CPT1C: variants seen among roughly 807,000 people sequenced by gnomAD.
The protein encoded by CPT1C is carnitine palmitoyltransferase 1C.
A neutral mutation model predicts 97.3 loss-of-function variants in CPT1C; 61 were observed. That is an observed-to-expected ratio of 0.63 (90% confidence interval 0.51 to 0.78). CPT1C has a LOEUF of 0.78. Among genes scored for constraint, CPT1C ranks in the 30% least tolerant of loss-of-function variants. The pLI, the probability that CPT1C is intolerant of heterozygous loss-of-function variation, is 0.00. For synonymous variants in CPT1C, 469 were observed against 447.2 expected (o/e 1.05, Z -0.61); for missense variants, 975 against 1,065.5 (o/e 0.92, Z 1.18).
rs2083061311 is a variant in CPT1C at position 49,701,573 on chromosome 19, G to C, written c.632G>C (p.Arg211Thr). Residue 211 changes from arginine (R) to threonine (T), a missense_variant, in exon 7 of 20, where the codon AGG (arginine) becomes ACG (threonine). Around this residue, in one of 3 missense-constraint regions of CPT1C, gnomAD observed 596 missense variants for 603.1 expected, o/e 0.99. Coordinates refer to ENST00000598293, the MANE Select transcript of CPT1C (RefSeq NM_001199753.2). ...GCGGTCCTGGCGCAGGAATTCCTGA[G>C]GCTGCAGGCGTCGCTGCTGCAGTGG... ...WTAVLAQEFL[R>T]LQASLLQWYL... 1.2e-6 allele frequency: 2 copies of C among 1,612,580 alleles called. No homozygotes were observed. Among genetic ancestry groups the C allele is most frequent in the South Asian group, 2.2e-5 (2 of 91,008 alleles).
At chr19:49,697,009 C>T (rs1454750860) in intron 3 of CPT1C, among the ~76,000 whole-genome samples, 1 of 152,184 alleles carries the variant, frequency 6.6e-6, no homozygotes, top group Non-Finnish European at 1.5e-5. Flanking sequence ...CACATCCGGA[C>T]TGTTCTGCCT....
chr19:49,706,102 C>T lies in CPT1C; in HGVS notation c.1158C>T (p.Pro386=). The change falls in exon 11 of 20, where the codon CCC becomes CCT. Residue 386 remains proline, a splice_region_variant and synonymous_variant. Transcript: ENST00000598293. The surrounding 1 kb of genome is among the most constrained non-coding windows in gnomAD (Gnocchi z 4.8). ...ATCTGGCAGCTCTGACAGCTGCTCCCAGGTAAGGGTCAGGGGTCAGGGGTC... is the reference window on the plus strand; with the variant it reads ...ATCTGGCAGCTCTGACAGCTGCTCCTAGGTAAGGGTCAGGGGTCAGGGGTC... The part of the protein sequence containing the change: ...EEHLAALTAA[P]RGTWAQVRTS... The T allele has an allele frequency of 1.2e-6, 2 of 1,612,594 alleles. No individual in the cohort carries two copies. The highest frequency in any genetic ancestry group is 1.7e-6 in the Non-Finnish European group (2 of 1,179,134).
chr19:49,699,668 AC>A (rs2082884666), intron 4 of CPT1C, among the ~76,000 whole-genome samples: 1 of 152,020 alleles, frequency 6.6e-6, no homozygotes, highest in African/African-American at 2.4e-5. Flanking sequence ...TAAACCGCTG[AC>A]TATGGCCAGG....
rs760508652 is a variant in CPT1C at position 49,700,738 on chromosome 19, G to A, written c.336G>A (p.Ser112=). 1.9e-6 allele frequency: 3 copies of A among 1,612,554 alleles called. No individual in the cohort carries two copies. The highest frequency in any genetic ancestry group is 1.7e-5 in the Admixed American group (1 of 60,000). ...RGVLAAALFA[S]CLWGALIFTL... ...TCCTGGCAGCCGCGCTGTTTGCCTC[G>A]TGTTTGTGGGGAGCCCTGATCTTCA... Residue 112 remains serine (S), a synonymous_variant, in exon 5 of 20, where the codon TCG becomes TCA. Transcript: ENST00000598293.
chr19:49,700,327 C>T (rs965850743), intron 4 of CPT1C, among the ~76,000 whole-genome samples: 8 of 151,932 alleles, frequency 5.3e-5, no homozygotes, highest in Admixed American at 3.3e-4. Context: ...GTCTTAAAGG[C>T]GCCCAGGAAT....
intron 7 of CPT1C, among the ~76,000 whole-genome samples, chr19:49,702,772 G>A (rs1195583488): frequency 1.3e-5 from 2 of 152,064 alleles, no homozygotes; most frequent in Non-Finnish European, 2.9e-5. Context: ...CAGGGAAGGG[G>A]CAGGGTCAGC....
intron 17 of CPT1C, 184 bp from the exon 18 acceptor site, chr19:49,712,552 G>C (rs1416709076): frequency 5.1e-6 from 3 of 584,790 alleles, no homozygotes; most frequent in Non-Finnish European, 9.1e-6. Flanking sequence ...GGACGTGGGT[G>C]TGGGTGGTGA....
rs780011470 is a variant in CPT1C, at chr19:49,708,705, G to C, written c.1450-18G>C. ...CCACAGGGAGGAAGGGACTCTAACA[G>C]CCTCTGTTTGCCCACAGTTCACTCT... is the stretch of plus-strand genomic sequence containing the variant. On this transcript the variant is annotated intron_variant, in intron 13 of 19. Transcript: ENST00000598293. The C allele has an allele frequency of 6.3e-7, 1 of 1,585,778 alleles. No homozygotes were observed. The highest frequency in any genetic ancestry group is 8.7e-7 in the Non-Finnish European group (1 of 1,154,200).
rs368936837 is a variant in CPT1C at position 49,712,692 on chromosome 19, C to A, written c.2020-44C>A. The A allele has an allele frequency of 5.7e-6, 8 of 1,404,446 alleles. No individual in the cohort carries two copies. The South Asian group carries it at 5.8e-5, about 10-fold the overall frequency. The allele number at this position is 1,404,446 out of a possible 1,614,324, so 87.0% of individuals were successfully genotyped here. A position where few individuals can be genotyped will look rare whatever the true frequency, so the allele number is the denominator to read the frequency against. ...AGTGAAGTGGAGCCAAGGGCCGGAA[C>A]TGCAGATCTCTGTCCTGCACATGTG... On this transcript the variant is annotated intron_variant, in intron 17 of 19. Coordinates refer to ENST00000598293, the MANE Select transcript of CPT1C (RefSeq NM_001199753.2).
chr19:49,701,237 C>T (rs2083032131), intron 5 of CPT1C, 80 bp from the exon 6 acceptor site: 4 of 1,191,108 alleles, frequency 3.4e-6, no homozygotes, highest in Non-Finnish European at 4.8e-6. Context: ...CTTTGGGTTT[C>T]TGTCCCACTG....
rs746174740 is a variant in CPT1C, at chr19:49,706,112, T to C, written c.1160+8T>C. On this transcript the variant is annotated splice_region_variant and intron_variant, in intron 11 of 19. Transcript: ENST00000598293. The surrounding 1 kb of genome is among the most constrained non-coding windows in gnomAD (Gnocchi z 4.8). ...TCTGACAGCTGCTCCCAGGTAAGGG[T>C]CAGGGGTCAGGGGTCAGGGGCTCTC... 16 of 1,598,784 alleles carry C rather than the reference T, an allele frequency of 1.0e-5. No individual in the cohort carries two copies. Among genetic ancestry groups the C allele is most frequent in the Non-Finnish European group, 1.4e-5 (16 of 1,171,446 alleles).
chr19:49,701,519 T>C lies in CPT1C; in HGVS notation c.578T>C (p.Ile193Thr). Reference protein sequence around the residue: ...VRKYLESVRPILSDEDFDWTA... With the variant: ...VRKYLESVRPTLSDEDFDWTA... ...TAGTACCTGGAGTCGGTCCGGCCCA[T>C]CCTCTCCGACGAGGACTTCGACTGG... Residue 193 changes from isoleucine (I) to threonine (T), a missense_variant, in exon 7 of 20, where the codon ATC becomes ACC. Ile to Thr is a moderately conservative substitution (Grantham distance 89). Around this residue, in one of 3 missense-constraint regions of CPT1C, gnomAD observed 596 missense variants for 603.1 expected, o/e 0.99. Coordinates refer to ENST00000598293, the MANE Select transcript of CPT1C (RefSeq NM_001199753.2). 6.2e-7 allele frequency: 1 copy of C among 1,611,120 alleles called. No individual in the cohort carries two copies. Among genetic ancestry groups the C allele is most frequent in the Non-Finnish European group, 8.5e-7 (1 of 1,178,178 alleles).
rs746873874 is a variant in CPT1C at position 49,705,085 on chromosome 19, C to T, written c.850C>T (p.His284Tyr). ...NAVHALLLYRHRLNRQEIPPT... is the reference protein window; with the variant it reads ...NAVHALLLYRYRLNRQEIPPT... The stretch of plus-strand genomic sequence containing the variant: ...CGTCCATGCCCTCCTCCTGTACCGC[C>T]ACCGCCTGAACCGCCAGGAGATACC... The change falls in exon 9 of 20, where the codon CAC (histidine) becomes TAC (tyrosine). Residue 284 changes from histidine to tyrosine, a missense_variant. Transcript: ENST00000598293. 13 of 1,613,910 alleles carry T rather than the reference C, an allele frequency of 8.1e-6. No homozygotes were observed. In the African/African-American group the frequency reaches 1.3e-4, roughly 17 times the overall value.
Position 49,706,315 on chromosome 19 carries a change from G to A in CPT1C, c.1245G>A (p.Val415=). ...CGGTGGAAGGGGCCGCTTTCTTTGT[G>A]TCACTGGATGCTGAGCCCGCGGGGC... The part of the protein sequence containing the change: ...LEAVEGAAFF[V]SLDAEPAGLT... Residue 415 remains valine (V), a synonymous_variant, in exon 12 of 20, where the codon GTG becomes GTA. Coordinates refer to ENST00000598293, the MANE Select transcript of CPT1C (RefSeq NM_001199753.2). The surrounding 1 kb of genome is among the most constrained non-coding windows in gnomAD (Gnocchi z 4.8). 6.5e-7 allele frequency: 1 copy of A among 1,527,044 alleles called. No individual in the cohort carries two copies. Among genetic ancestry groups the A allele is most frequent in the East Asian group, 2.5e-5 (1 of 40,554 alleles). 94.6% of individuals were successfully genotyped at this position (1,527,044 alleles called of 1,614,324 possible).
chr19:49,710,959 A>C, intron 16 of CPT1C, 102 bp downstream of exon 16: 1 of 1,229,774 alleles, frequency 8.1e-7, no homozygotes, highest in Non-Finnish European at 1.1e-6. Flanking sequence ...CACGAGGAGC[A>C]CAAGGGACAA....
At position 49,706,129 on chromosome 19, in the gene CPT1C, G is replaced by T; in HGVS notation, c.1160+25G>T. 6.3e-7 allele frequency: 1 copy of T among 1,597,594 alleles called. No homozygotes were observed. ...GGTAAGGGTCAGGGGTCAGGGGTCA[G>T]GGGCTCTCAGAGGCCGCCAGTGTCC... On this transcript the variant is annotated intron_variant, in intron 11 of 19. Transcript: ENST00000598293. The surrounding 1 kb of genome is among the most constrained non-coding windows in gnomAD (Gnocchi z 4.8).
At chr19:49,701,046 CCT>C (rs550829673) in intron 5 of CPT1C, among the ~76,000 whole-genome samples, 191 bp downstream of exon 5, 240 of 130,684 alleles carry the variant, frequency 1.8e-3, no homozygotes, top group Non-Finnish European at 2.7e-3. Context: ...TCTCTGTCCC[CCT>C]CTCTCTCTGT....
chr19:49,700,269 A>AAC (rs1356709522), intron 4 of CPT1C, among the ~76,000 whole-genome samples: 1 of 151,786 alleles, frequency 6.6e-6, no homozygotes, highest in Admixed American at 6.6e-5. Context: ...AAACAAAAAA[A>AAC]AAAACGCTGA....
intron 7 of CPT1C, 109 bp from the exon 8 acceptor site, chr19:49,704,601 C>T (rs919761786): frequency 1.7e-5 from 14 of 812,724 alleles, no homozygotes; most frequent in African/African-American, 3.4e-5. Context: ...ACTTCTTTGG[C>T]TCTATCCTCC....
Sources: allele counts gnomAD v4.1 joint callset (sites outside exome capture counted in the v4.1 genomes callset), GRCh38; gene constraint gnomAD v4.1.1; regional missense constraint gnomAD v4.1.1; non-coding constraint Gnocchi (gnomAD v3.1); transcripts MANE v1.5; gene names NCBI Gene and HGNC (gene_info 2026-07-23, HGNC 2026-07-21).